The following CTNNA3 variants were observed in gnomAD, a reference collection of about 807,000 sequenced individuals.
CTNNA3 encodes catenin alpha 3.
CTNNA3 carries 76 observed loss-of-function variants against 95.7 expected under a neutral mutation model. That is an observed-to-expected ratio of 0.79 (90% CI 0.66 to 0.96). The LOEUF is 0.96. Among genes scored for constraint, CTNNA3 ranks in the 40% least tolerant of loss-of-function variants. CTNNA3 has a pLI of 0.00. For missense variants in CTNNA3, 1,191 were observed against 1,089.8 expected, an observed-to-expected ratio of 1.09 and a Z score of -1.31; for synonymous variants, 431 against 374.4, an observed-to-expected ratio of 1.15 and a Z score of -1.74.
intron 7 of CTNNA3, among the ~76,000 whole-genome samples, chr10:66,920,127 C>T (rs1459037947): frequency 2.6e-5 from 4 of 152,156 alleles, no homozygotes; most frequent in African/African-American, 9.7e-5. Context: ...CTCATGGCCA[C>T]AGAACCTATA....
chr10:67,146,248 G>C (rs1216091722), intron 7 of CTNNA3, among the ~76,000 whole-genome samples: 1 of 152,152 alleles, frequency 6.6e-6, no homozygotes, highest in African/African-American at 2.4e-5. Context: ...CTAGCTCTCT[G>C]TGAATTGCAA....
intron 4 of CTNNA3, among the ~76,000 whole-genome samples, chr10:67,536,396 T>C (rs1272846330): frequency 1.3e-5 from 2 of 152,148 alleles, no homozygotes; most frequent in Admixed American, 1.3e-4. Flanking sequence ...TCAGCTTCAC[T>C]GTCTCAGAAA....
rs537887535 is a variant in CTNNA3 at position 66,803,902 on chromosome 10, G to A, written c.1048-28378C>T. The stretch of plus-strand genomic sequence containing the variant: ...GCATTTAACTTGCCAACAATTTTTT[G>A]CCTTCATTATGACACTGATATACAA... On this transcript the variant is annotated intron_variant, in intron 7 of 17. Coordinates refer to ENST00000433211, the MANE Select transcript of CTNNA3 (RefSeq NM_013266.4). Among the ~76,000 whole-genome samples, 13 of 150,862 alleles carry A rather than the reference G, an allele frequency of 8.6e-5. No individual in the cohort carries two copies. The East Asian group carries it at 2.5e-3, about 29-fold the overall frequency.
intron 10 of CTNNA3, among the ~76,000 whole-genome samples, chr10:66,566,637 A>G (rs1842715625): frequency 6.6e-6 from 1 of 152,068 alleles, no homozygotes; most frequent in Non-Finnish European, 1.5e-5. Context: ...TACAATGTGA[A>G]TCTCCTTCCC....
chr10:67,441,141 T>TA (rs2132931543), intron 5 of CTNNA3, among the ~76,000 whole-genome samples: 1 of 151,502 alleles, frequency 6.6e-6, no homozygotes, highest in Non-Finnish European at 1.5e-5. Flanking sequence ...ATTCTGGAGT[T>TA]AAAAAATGCA....
intron 15 of CTNNA3, among the ~76,000 whole-genome samples, chr10:66,050,735 A>T (rs10996860): frequency 6.6e-6 from 1 of 151,944 alleles, no homozygotes; most frequent in Non-Finnish European, 1.5e-5. Flanking sequence ...TGCTGCTTCC[A>T]CTTTCCCACC....
intron 2 of CTNNA3, among the ~76,000 whole-genome samples, chr10:67,645,172 C>T (rs896050776): frequency 6.6e-6 from 1 of 150,772 alleles, no homozygotes; most frequent in African/African-American, 2.5e-5. Context: ...TTAGAACATG[C>T]CATAAAATGT....
chr10:66,890,832 C>T (rs1392466846), intron 7 of CTNNA3, among the ~76,000 whole-genome samples: 4 of 152,144 alleles, frequency 2.6e-5, no homozygotes, highest in South Asian at 2.1e-4. Context: ...GATGCAGGGA[C>T]GATGCCACCA....
chr10:67,290,025 C>T (rs1227056270), intron 5 of CTNNA3, among the ~76,000 whole-genome samples: 1 of 151,976 alleles, frequency 6.6e-6, no homozygotes, highest in Non-Finnish European at 1.5e-5. Flanking sequence ...AAACTGGCCT[C>T]AAATTCCTGG....
chr10:66,153,072 T>G (rs1195843217), intron 13 of CTNNA3, among the ~76,000 whole-genome samples: 1 of 151,978 alleles, frequency 6.6e-6, no homozygotes, highest in African/African-American at 2.4e-5. Context: ...TAGTAATTAT[T>G]TCCTTTGTCA....
chr10:67,267,082 G>T (rs1866858767), intron 5 of CTNNA3, among the ~76,000 whole-genome samples: 1 of 152,066 alleles, frequency 6.6e-6, no homozygotes, highest in Non-Finnish European at 1.5e-5. Context: ...CATTGACAGG[G>T]CTTTGGATTT....
intron 12 of CTNNA3, among the ~76,000 whole-genome samples, chr10:66,349,319 C>G (rs990704683): frequency 6.6e-6 from 1 of 152,176 alleles, no homozygotes; most frequent in African/African-American, 2.4e-5. Context: ...AATGAATCCA[C>G]AGCCCTGTCT....
chr10:66,893,775 T>C (rs1325862205), intron 7 of CTNNA3, among the ~76,000 whole-genome samples: 1 of 152,156 alleles, frequency 6.6e-6, no homozygotes, highest in Non-Finnish European at 1.5e-5. Flanking sequence ...GGCTACATAC[T>C]AAGTCCTTTT....
intron 14 of CTNNA3, among the ~76,000 whole-genome samples, chr10:66,071,054 T>G (rs142240705): frequency 6.6e-6 from 1 of 152,310 alleles, no homozygotes; most frequent in African/African-American, 2.4e-5. Flanking sequence ...TATGATTTAT[T>G]ATATGTCATC....
chr10:67,736,723 G>A (rs1411463981), intron 1 of CTNNA3, among the ~76,000 whole-genome samples: 1 of 151,916 alleles, frequency 6.6e-6, no homozygotes, highest in Non-Finnish European at 1.5e-5. Flanking sequence ...CCAAAGTGCT[G>A]GGATTTGGGA....
At chr10:67,666,520 C>A (rs1222035218) in intron 1 of CTNNA3, among the ~76,000 whole-genome samples, 1 of 152,148 alleles carries the variant, frequency 6.6e-6, no homozygotes, top group Non-Finnish European at 1.5e-5. Context: ...TTTCACAATA[C>A]TCTGCACTGC....
chr10:66,285,519 C>T (rs542794103), intron 12 of CTNNA3, among the ~76,000 whole-genome samples: 1 of 151,866 alleles, frequency 6.6e-6, no homozygotes, highest in South Asian at 2.1e-4. Flanking sequence ...CTCTTTCATG[C>T]TTTTCCTCAC....
At chr10:66,373,217 T>G (rs982833587) in intron 12 of CTNNA3, among the ~76,000 whole-genome samples, 2 of 152,160 alleles carry the variant, frequency 1.3e-5, no homozygotes, top group East Asian at 3.9e-4. Context: ...AGCATTTTCT[T>G]TTTTCTGACA....
chr10:66,411,427 A>C (rs2132596585), intron 11 of CTNNA3, among the ~76,000 whole-genome samples: 1 of 152,028 alleles, frequency 6.6e-6, no homozygotes, highest in East Asian at 1.9e-4. Context: ...CATTTTTATC[A>C]TTACTATATT....
Sources: allele counts gnomAD v4.1 joint callset (sites outside exome capture counted in the v4.1 genomes callset), GRCh38; gene constraint gnomAD v4.1.1; transcripts MANE v1.5; gene names NCBI Gene and HGNC (gene_info 2026-07-23, HGNC 2026-07-21).